Variants in SLC66A3 observed in about 807,000 individuals in gnomAD.
SLC66A3 encodes the protein PQ loop repeat containing 3.
A neutral mutation model predicts 25.5 loss-of-function variants in SLC66A3; 23 were observed. The observed-to-expected ratio is 0.90, with a 90% CI of 0.65 to 1.28. SLC66A3 has a LOEUF of 1.28. Among genes scored for constraint, SLC66A3 ranks in the 50% most tolerant of loss-of-function variants. SLC66A3 has a pLI of 0.00. For missense variants in SLC66A3, 246 were observed against 262.1 expected (o/e 0.94, Z 0.42); for synonymous variants, 108 against 112.6 (o/e 0.96, Z 0.26).
In SLC66A3 at chr2:11,160,535, C is replaced by T. The variant is rs200064120; in HGVS notation, c.213C>T (p.Ile71=). 33 of 1,614,202 alleles carry T rather than the reference C, an allele frequency of 2.0e-5. No homozygotes were observed. The Middle Eastern group carries it at 1.2e-3, about 56-fold the overall frequency. Reference sequence around the variant, plus strand: ...CGCTGACCTACCTGGAGTACCCCATCCTCATCGCGCAAGGTAACAGCCCCT... The same window carrying T: ...CGCTGACCTACCTGGAGTACCCCATTCTCATCGCGCAAGGTAACAGCCCCT... ...YPPLTYLEYP[I]LIAQDVILLL... is the part of the protein sequence containing the mutation. Residue 71 remains isoleucine, a synonymous_variant, in exon 2 of 7, where the codon ATC becomes ATT. Coordinates refer to ENST00000295083, the MANE Select transcript of SLC66A3 (RefSeq NM_152391.5).
At chr2:11,155,760 C>A (rs911115250) in intron 1 of SLC66A3, 71 bp downstream of exon 1, 9 of 1,284,902 alleles carry the variant, frequency 7.0e-6, no homozygotes, top group Non-Finnish European at 8.9e-6. Flanking sequence ...CCCAGGAGAG[C>A]CTCGGCTCGA....
At chr2:11,164,345 A>ATATATATATTTTTTTTTTTTTTTT in intron 4 of SLC66A3, 84 bp downstream of exon 4, 15 of 92,814 alleles carry the variant, frequency 1.6e-4, no homozygotes, top group Admixed American at 9.6e-4. Flanking sequence ...ATATATATAT[A>ATATATATATTTTTTTTTTTTTTTT]TTTTTTTTTT....
rs1001093525 is a variant in SLC66A3, at chr2:11,178,114, T to G, written c.*286T>G. 3.8e-5 allele frequency: 8 copies of G among 211,540 alleles called. No individual in the cohort carries two copies. Among genetic ancestry groups the G allele is most frequent in the Non-Finnish European group, 6.6e-5 (7 of 106,798 alleles). 13.1% of individuals were successfully genotyped at this position (211,540 alleles called of 1,614,324 possible). ...TCCAAGAAGCCCATTTTGAGGCCAT[T>G]TTGAGCCTTACTCTTAAGTTCTCTA... On this transcript the variant is annotated 3_prime_UTR_variant, in exon 7 of 7. Transcript: ENST00000295083.
intron 1 of SLC66A3, among the ~76,000 whole-genome samples, chr2:11,156,557 G>T (rs943721437): frequency 6.6e-6 from 1 of 152,136 alleles, no homozygotes; most frequent in Non-Finnish European, 1.5e-5. Flanking sequence ...CGGCATACAG[G>T]ATGGGAAGAA....
In SLC66A3 at chr2:11,160,687, A is replaced by ATCGCTGTGTATCCTT. The variant is rs1558250409; in HGVS notation, c.292_296+10dup. ...GAACGTGAAGCAGGCCACTCCTTAC[A>ATCGCTGTGTATCCTT]TCGCTGTGTATCCTTTCTGAATCTG... On this transcript the variant is annotated inframe_insertion, in exon 3 of 7. Transcript: ENST00000295083. 6.2e-7 allele frequency: 1 copy of ATCGCTGTGTATCCTT among 1,613,692 alleles called. No homozygotes were observed. The highest frequency in any genetic ancestry group is 1.7e-5 in the Admixed American group (1 of 59,940).
intron 5 of SLC66A3, chr2:11,172,958 G>GT (rs1240164649): frequency 6.2e-6 from 1 of 161,074 alleles, no homozygotes; most frequent in Non-Finnish European, 1.4e-5. Context: ...TGCCTCCAAG[G>GT]TTCAAGCGAT....
intron 3 of SLC66A3, among the ~76,000 whole-genome samples, chr2:11,163,242 C>T (rs1662189339): frequency 6.6e-6 from 1 of 152,174 alleles, no homozygotes; most frequent in Admixed American, 6.5e-5. Flanking sequence ...TCTGTAGGAT[C>T]TCAGGAGCTC....
chr2:11,178,182 A>AAAT lies in SLC66A3; in HGVS notation c.*357_*359dup, dbSNP rs1184558598. ...TTGTTGGCTTTCAGAATCTTTTAGG[A>AAAT]AATAAATCCTCTCCAGGACAAAAAT... On this transcript the variant is annotated 3_prime_UTR_variant, in exon 7 of 7. Transcript: ENST00000295083. The AAAT allele has an allele frequency of 6.0e-6, 1 of 167,278 alleles. No individual in the cohort carries two copies. Among genetic ancestry groups the AAAT allele is most frequent in the East Asian group, 1.7e-4 (1 of 5,918 alleles). The allele number at this position is 167,278 out of a possible 1,614,324, so 10.4% of individuals were successfully genotyped here.
chr2:11,177,861 G>C lies in SLC66A3; in HGVS notation c.*33G>C. On this transcript the variant is annotated 3_prime_UTR_variant, in exon 7 of 7. Coordinates refer to ENST00000295083, the MANE Select transcript of SLC66A3 (RefSeq NM_152391.5). ...ATTATTCCTTCACACAGTGGATTTT[G>C]AGTAACTGAACCAAAGGAAAAAGAA... is the stretch of plus-strand genomic sequence containing the variant. The C allele has an allele frequency of 7.8e-7, 1 of 1,284,094 alleles. No homozygotes were observed. The highest frequency in any genetic ancestry group is 1.1e-6 in the Non-Finnish European group (1 of 898,984). 79.5% of individuals were successfully genotyped at this position (1,284,094 alleles called of 1,614,324 possible). A position where few individuals can be genotyped will look rare whatever the true frequency, so the allele number is the denominator to read the frequency against.
chr2:11,171,694 G>A (rs912574414), intron 4 of SLC66A3, among the ~76,000 whole-genome samples: 2 of 151,820 alleles, frequency 1.3e-5, no homozygotes, highest in African/African-American at 4.8e-5. Context: ...TCAGCCTCCC[G>A]AGTAGCTGGG....
chr2:11,162,180 G>A (rs983839954), intron 3 of SLC66A3, among the ~76,000 whole-genome samples: 1 of 152,188 alleles, frequency 6.6e-6, no homozygotes, highest in African/African-American at 2.4e-5. Context: ...TTTACTAGAG[G>A]CGAGGCTCTG....
intron 6 of SLC66A3, among the ~76,000 whole-genome samples, chr2:11,175,418 G>A (rs1485384565): frequency 1.3e-5 from 2 of 152,222 alleles, no homozygotes; most frequent in Admixed American, 6.5e-5. Context: ...GATGAGTAGA[G>A]GTTTAGCCAG....
intron 3 of SLC66A3, among the ~76,000 whole-genome samples, chr2:11,161,054 G>A (rs1005195838): frequency 6.6e-5 from 10 of 152,148 alleles, no homozygotes; most frequent in Non-Finnish European, 1.5e-5. Flanking sequence ...GAGAGTATCC[G>A]GCGCCTCTCA....
chr2:11,168,974 G>C (rs1222675019), intron 4 of SLC66A3, among the ~76,000 whole-genome samples: 2 of 151,796 alleles, frequency 1.3e-5, no homozygotes, highest in African/African-American at 2.4e-5. Context: ...TCTTGTGCCT[G>C]AGCCTCCTGA....
intron 4 of SLC66A3, 104 bp downstream of exon 4, chr2:11,164,365 G>C: frequency 9.6e-6 from 1 of 103,856 alleles, no homozygotes; most frequent in Non-Finnish European, 1.7e-5. Flanking sequence ...TTTTGAAATG[G>C]AGTTTCACTC....
At chr2:11,163,054 C>CA (rs1662183284) in intron 3 of SLC66A3, among the ~76,000 whole-genome samples, 1 of 152,120 alleles carries the variant, frequency 6.6e-6, no homozygotes, top group Admixed American at 6.6e-5. Flanking sequence ...GCCTGGGCAA[C>CA]ATAGTGGGAT....
chr2:11,176,927 A>G (rs892553109), intron 6 of SLC66A3, among the ~76,000 whole-genome samples: 6 of 152,222 alleles, frequency 3.9e-5, no homozygotes, highest in Admixed American at 3.9e-4. Flanking sequence ...TCAGGAGTGT[A>G]TCCGTACCTT....
chr2:11,160,796 T>C, intron 3 of SLC66A3, 102 bp downstream of exon 3: 1 of 1,424,898 alleles, frequency 7.0e-7, no homozygotes, highest in Non-Finnish European at 9.1e-7. Flanking sequence ...ATTTTTTGGT[T>C]AAACTAAAAA....
At chr2:11,176,481 G>A (rs1051217565) in intron 6 of SLC66A3, among the ~76,000 whole-genome samples, 4 of 150,310 alleles carry the variant, frequency 2.7e-5, no homozygotes, top group Non-Finnish European at 4.4e-5. Context: ...CTCCCAAAGT[G>A]CTGGGATTAC....
Sources: allele counts gnomAD v4.1 joint callset (sites outside exome capture counted in the v4.1 genomes callset), GRCh38; gene constraint gnomAD v4.1.1; transcripts MANE v1.5; gene names NCBI Gene and HGNC (gene_info 2026-07-23, HGNC 2026-07-21).